Variants in ANO4 observed in about 807,000 individuals in gnomAD.
ANO4 encodes anoctamin 4, also known as anoctamin-4.
A neutral mutation model predicts 141.9 loss-of-function variants in ANO4; 69 were observed. That is an observed-to-expected ratio of 0.49 (90% CI 0.40 to 0.59). The LOEUF (loss-of-function observed/expected upper bound fraction) is 0.59. Among genes scored for constraint, ANO4 ranks in the 20% least tolerant of loss-of-function variants. The pLI is 0.00. For missense variants in ANO4, 894 were observed against 1,162.2 expected (o/e 0.77, Z 3.36); for synonymous variants, 350 against 394.3 (o/e 0.89, Z 1.33).
chr12:100,746,807 G>A (rs2032133533), intron 3 of ANO4, among the ~76,000 whole-genome samples: 1 of 152,174 alleles, frequency 6.6e-6, no homozygotes, highest in South Asian at 2.1e-4. Flanking sequence ...CTCCTTTAGG[G>A]CATTCCCAGG....
At chr12:101,030,249 C>CA (rs1210810591) in intron 9 of ANO4, among the ~76,000 whole-genome samples, 2 of 151,882 alleles carry the variant, frequency 1.3e-5, no homozygotes, top group Admixed American at 6.6e-5. Flanking sequence ...TCAGCAAATG[C>CA]AAAAAAACTG....
chr12:100,970,663 CT>C (rs1326889809), intron 5 of ANO4, among the ~76,000 whole-genome samples: 8 of 91,744 alleles, frequency 8.7e-5, no homozygotes, highest in East Asian at 3.0e-4. Flanking sequence ...CTCCCTCCCT[CT>C]CCTTCCTTCC....
At chr12:100,827,892 AC>A (rs2036438436) in intron 1 of ANO4, among the ~76,000 whole-genome samples, 1 of 151,452 alleles carries the variant, frequency 6.6e-6, no homozygotes, top group Non-Finnish European at 1.5e-5. Context: ...TTCATTATTC[AC>A]CCCCATTTCT....
chr12:100,780,089 T>A (rs1565871240), intron 3 of ANO4, among the ~76,000 whole-genome samples: 1 of 152,084 alleles, frequency 6.6e-6, no homozygotes, highest in Non-Finnish European at 1.5e-5. Context: ...AGTGACACAA[T>A]CATAGCTCAC....
chr12:101,029,531 C>T (rs2046880963), intron 9 of ANO4, among the ~76,000 whole-genome samples: 1 of 152,082 alleles, frequency 6.6e-6, no homozygotes, highest in Non-Finnish European at 1.5e-5. Flanking sequence ...TTGCAAACCT[C>T]ATCTCTGACA....
At chr12:100,832,918 C>T (rs180893079) in intron 1 of ANO4, among the ~76,000 whole-genome samples, 3 of 152,276 alleles carry the variant, frequency 2.0e-5, no homozygotes, top group African/African-American at 7.2e-5. Flanking sequence ...TTTCTGCTAA[C>T]ACTTTAAACA....
At chr12:100,731,877 G>A (rs1473117960) in intron 1 of ANO4, among the ~76,000 whole-genome samples, 2 of 152,130 alleles carry the variant, frequency 1.3e-5, no homozygotes, top group South Asian at 2.1e-4. Context: ...ATATACCACA[G>A]TTTTATTTTC....
intron 23 of ANO4, among the ~76,000 whole-genome samples, chr12:101,111,119 A>G (rs1301237990): frequency 2.0e-5 from 3 of 152,244 alleles, no homozygotes; most frequent in African/African-American, 7.2e-5. Context: ...TGTGGATGTT[A>G]TTGTTAATGA....
chr12:100,874,445 G>C (rs1593593646), intron 1 of ANO4, among the ~76,000 whole-genome samples: 1 of 152,256 alleles, frequency 6.6e-6, no homozygotes, highest in Admixed American at 6.5e-5. Context: ...TGGGAGCCTA[G>C]CCCTTGCATC....
chr12:100,989,892 G>GTGGATGGA (rs757057834), intron 8 of ANO4, among the ~76,000 whole-genome samples: 5 of 134,198 alleles, frequency 3.7e-5, no homozygotes, highest in Non-Finnish European at 6.4e-5. Flanking sequence ...GGATGGATGG[G>GTGGATGGA]TGGATGGATG....
intron 21 of ANO4, among the ~76,000 whole-genome samples, chr12:101,099,252 A>G (rs1404387957): frequency 6.6e-6 from 1 of 152,210 alleles, no homozygotes; most frequent in Non-Finnish European, 1.5e-5. Flanking sequence ...ATATTCCTCA[A>G]GATATCTTGG....
intron 1 of ANO4, among the ~76,000 whole-genome samples, chr12:100,840,567 A>G (rs1055204684): frequency 3.9e-5 from 6 of 152,144 alleles, no homozygotes; most frequent in Non-Finnish European, 8.8e-5. Flanking sequence ...GTGCTCTTTT[A>G]TTTTTACTTC....
intron 1 of ANO4, among the ~76,000 whole-genome samples, chr12:100,803,975 T>C (rs1314845134): frequency 2.0e-5 from 3 of 152,126 alleles, no homozygotes; most frequent in Non-Finnish European, 1.5e-5. Flanking sequence ...TTTTAAGTTC[T>C]GCGGTAATGT....
intron 1 of ANO4, among the ~76,000 whole-genome samples, chr12:100,728,594 C>T (rs760453828): frequency 6.6e-6 from 1 of 152,164 alleles, no homozygotes; most frequent in Non-Finnish European, 1.5e-5. Context: ...CCTAATTCCT[C>T]ATCTGCATAA....
At chr12:101,086,501 T>C (rs2049506681) in intron 16 of ANO4, among the ~76,000 whole-genome samples, 159 bp from the exon 17 acceptor site, 1 of 152,160 alleles carries the variant, frequency 6.6e-6, no homozygotes, top group Non-Finnish European at 1.5e-5. Flanking sequence ...CAAGAGAAAG[T>C]ATTAACCACA....
intron 2 of ANO4, among the ~76,000 whole-genome samples, chr12:100,903,766 T>A (rs865927432): frequency 5.9e-5 from 9 of 152,230 alleles, no homozygotes; most frequent in Non-Finnish European, 7.3e-5. Flanking sequence ...ACCTAGATTA[T>A]CAAGGAGAAT....
At chr12:101,068,361 G>T (rs1199602247) in intron 14 of ANO4, 4 of 1,081,264 alleles carry the variant, frequency 3.7e-6, no homozygotes, top group Non-Finnish European at 5.7e-6. Context: ...GAAGGTAAAG[G>T]GTCTTTGACC....
chr12:100,757,967 A>G (rs925855068), intron 3 of ANO4, among the ~76,000 whole-genome samples: 1 of 152,206 alleles, frequency 6.6e-6, no homozygotes, highest in African/African-American at 2.4e-5. Flanking sequence ...TGTGGATTTT[A>G]ATATAAAGAA....
intron 2 of ANO4, among the ~76,000 whole-genome samples, chr12:100,920,593 G>A (rs1337294993): frequency 2.0e-5 from 3 of 148,790 alleles, no homozygotes; most frequent in East Asian, 3.9e-4. Context: ...GCAGGAAGGC[G>A]TCTTTGTCTG....
Sources: allele counts gnomAD v4.1 joint callset (sites outside exome capture counted in the v4.1 genomes callset), GRCh38; gene constraint gnomAD v4.1.1; transcripts MANE v1.5; gene names NCBI Gene and HGNC (gene_info 2026-07-23, HGNC 2026-07-21).